Variants in CEP128 observed in about 807,000 individuals in gnomAD.
CEP128 encodes the protein centrosomal protein 128, also known as centrosomal protein 128kDa.
Under a neutral mutation model 156.7 loss-of-function variants are expected in CEP128, and 132 were observed. The ratio of observed to expected loss-of-function variants is 0.84; its 90% CI spans 0.73 to 0.97. The LOEUF (loss-of-function observed/expected upper bound fraction) is 0.97. CEP128 is among the 50% of genes least tolerant of loss of function. The pLI, the probability that CEP128 is intolerant of heterozygous loss-of-function variation, is 0.00. For missense variants in CEP128, 1,252 were observed against 1,281.9 expected (o/e 0.98, Z 0.36); for synonymous variants, 469 against 448.9 (o/e 1.04, Z -0.57).
downstream of CEP128, among the ~76,000 whole-genome samples, chr14:80,489,014 T>C (rs1019660700): frequency 6.7e-6 from 1 of 150,212 alleles, no homozygotes; most frequent in Admixed American, 6.6e-5. Flanking sequence ...GGGAAAGCAT[T>C]AGGAGATATA....
intron 17 of CEP128, among the ~76,000 whole-genome samples, chr14:80,760,176 G>A (rs162179): frequency 0.04 from 6,100 of 151,402 alleles, 420 homozygotes; most frequent in African/African-American, 0.14. Flanking sequence ...AATTATCATA[G>A]GCCCTACAAT....
At chr14:80,488,576 T>C (rs113880051), downstream of CEP128, among the ~76,000 whole-genome samples, 3 of 151,970 alleles carry the variant, frequency 2.0e-5, no homozygotes, top group South Asian at 2.1e-4. Flanking sequence ...GTCAGTGTGG[T>C]GATTCCTCAG....
At chr14:80,521,187 T>C (rs1157418008) in intron 23 of CEP128, among the ~76,000 whole-genome samples, 1 of 151,982 alleles carries the variant, frequency 6.6e-6, no homozygotes, top group Non-Finnish European at 1.5e-5. Context: ...ATGAATATAT[T>C]ATGATGTTTG....
intron 19 of CEP128, among the ~76,000 whole-genome samples, chr14:80,698,700 G>A (rs891396630): frequency 6.6e-6 from 1 of 151,952 alleles, no homozygotes; most frequent in Non-Finnish European, 1.5e-5. Context: ...GCGCATATGG[G>A]AAATTTATAA....
chr14:80,845,798 T>C (rs1464824501), intron 9 of CEP128, among the ~76,000 whole-genome samples: 1 of 152,172 alleles, frequency 6.6e-6, no homozygotes, highest in Admixed American at 6.5e-5. Flanking sequence ...TTGTACAATA[T>C]TACTATGCAC....
downstream of CEP128, among the ~76,000 whole-genome samples, chr14:80,490,227 G>A (rs999407007): frequency 4.6e-5 from 7 of 152,066 alleles, no homozygotes; most frequent in African/African-American, 1.4e-4. Context: ...CCCTGATCTC[G>A]ATGTCGACAT....
At chr14:80,695,615 G>A (rs1369711162) in intron 19 of CEP128, among the ~76,000 whole-genome samples, 2 of 151,758 alleles carry the variant, frequency 1.3e-5, no homozygotes, top group Non-Finnish European at 2.9e-5. Context: ...TACTCGGGAG[G>A]CTGAGGCAGG....
chr14:80,649,153 T>C (rs1192222687), intron 19 of CEP128, among the ~76,000 whole-genome samples: 1 of 152,040 alleles, frequency 6.6e-6, no homozygotes, highest in East Asian at 1.9e-4. Context: ...TTACTGAACA[T>C]GAACAGGAGT....
Position 80,904,860 on chromosome 14 carries a change from A to T in CEP128, c.433T>A (p.Ser145Thr). 2 of 1,612,458 alleles carry T rather than the reference A, an allele frequency of 1.2e-6. 1 individual carries two copies. Among genetic ancestry groups the T allele is most frequent in the South Asian group, 2.2e-5 (2 of 91,022 alleles). Residue 145 changes from serine to threonine, a missense_variant, in exon 6 of 25, where the codon TCA becomes ACA. Ser to Thr is a moderately conservative substitution (Grantham distance 58). Transcript: ENST00000555265. ...TGAACAAACCGGACACCAGTTCTTG[A>T]TCTCATTCGTTTAATACCCTGTGGA... ...GDPQGIKRMR[S>T]RTGVRFVQET...
chr14:80,501,580 C>A (rs1470370240), intron 24 of CEP128, among the ~76,000 whole-genome samples: 1 of 151,922 alleles, frequency 6.6e-6, no homozygotes, highest in Non-Finnish European at 1.5e-5. Flanking sequence ...TCTTGGCTCA[C>A]TGCAACCTCC....
chr14:80,620,585 A>G (rs553574181), intron 19 of CEP128, among the ~76,000 whole-genome samples: 1 of 152,344 alleles, frequency 6.6e-6, no homozygotes, highest in East Asian at 1.9e-4. Flanking sequence ...ATATCTTTCA[A>G]GTGTTAATAA....
chr14:80,599,087 G>A (rs1418871370), intron 19 of CEP128, among the ~76,000 whole-genome samples: 1 of 152,050 alleles, frequency 6.6e-6, no homozygotes, highest in Non-Finnish European at 1.5e-5. Flanking sequence ...CTTACTTCAT[G>A]TGAATCTAAC....
chr14:80,529,775 A>G (rs1032310084), intron 22 of CEP128, among the ~76,000 whole-genome samples: 1 of 152,250 alleles, frequency 6.6e-6, no homozygotes, highest in African/African-American at 2.4e-5. Flanking sequence ...AACTGCAAAT[A>G]TATAATCAAA....
intron 20 of CEP128, among the ~76,000 whole-genome samples, chr14:80,564,997 T>G (rs1277284706): frequency 6.6e-6 from 1 of 151,854 alleles, no homozygotes; most frequent in Non-Finnish European, 1.5e-5. Flanking sequence ...AGGTGGAGGT[T>G]GCAGTGAGTC....
intron 19 of CEP128, among the ~76,000 whole-genome samples, chr14:80,676,709 CT>C (rs1896077205): frequency 6.6e-6 from 1 of 152,036 alleles, no homozygotes; most frequent in South Asian, 2.1e-4. Flanking sequence ...TAAAAATTCC[CT>C]TAATTTATTA....
intron 19 of CEP128, among the ~76,000 whole-genome samples, chr14:80,722,152 T>C (rs994137785): frequency 2.0e-5 from 3 of 152,188 alleles, no homozygotes; most frequent in Non-Finnish European, 4.4e-5. Flanking sequence ...ATCCATTTTA[T>C]CCTTTGGAGC....
intron 19 of CEP128, among the ~76,000 whole-genome samples, chr14:80,692,404 T>C (rs1277751121): frequency 6.6e-6 from 1 of 152,160 alleles, no homozygotes. Flanking sequence ...GGCTATCATG[T>C]TAGATGACAT....
intron 14 of CEP128, 28 bp from the exon 15 acceptor site, chr14:80,785,573 GA>G (rs145513539): frequency 3.3e-6 from 5 of 1,511,180 alleles, no homozygotes; most frequent in Non-Finnish European, 4.4e-6. Flanking sequence ...TGAAGCAAAA[GA>G]AAAAAATAAA....
At chr14:80,792,342 C>T (rs1030756117) in intron 14 of CEP128, among the ~76,000 whole-genome samples, 4 of 152,152 alleles carry the variant, frequency 2.6e-5, no homozygotes, top group African/African-American at 9.7e-5. Context: ...TTTTTAAATG[C>T]TTCTTTCTAA....
Sources: allele counts gnomAD v4.1 joint callset (sites outside exome capture counted in the v4.1 genomes callset), GRCh38; gene constraint gnomAD v4.1.1; transcripts MANE v1.5; gene names NCBI Gene and HGNC (gene_info 2026-07-23, HGNC 2026-07-21).